Variants in CPXM2 observed in about 807,000 individuals in gnomAD.
CPXM2 encodes inactive carboxypeptidase-like protein X2.
CPXM2 carries 66 observed loss-of-function variants against 86.1 expected under a neutral mutation model. The observed-to-expected ratio is 0.77, with a 90% CI of 0.63 to 0.94. The LOEUF (loss-of-function observed/expected upper bound fraction) is 0.94, where lower values mean the gene tolerates loss of function less well. Ranked by LOEUF, CPXM2 falls within the 40% of genes least tolerant of loss-of-function variation. CPXM2 has a pLI of 0.00. For synonymous variants in CPXM2, 388 were observed against 400.2 expected (o/e 0.97, Z 0.36); for missense variants, 948 against 1,026.3 (o/e 0.92, Z 1.04).
intron 2 of CPXM2, 28 bp downstream of exon 2, chr10:123,880,183 G>A: frequency 1.1e-6 from 1 of 884,742 alleles, no homozygotes; most frequent in Non-Finnish European, 1.9e-6. Context: ...TAGGACTGGT[G>A]TAGGGGCTCT....
intron 2 of CPXM2, among the ~76,000 whole-genome samples, chr10:123,904,310 G>GATTA (rs1169786743): frequency 2.6e-5 from 4 of 152,124 alleles, no homozygotes; most frequent in Non-Finnish European, 5.9e-5. Flanking sequence ...GCTGATGTTT[G>GATTA]AGTAAGGGAC....
At chr10:123,810,997 T>C (rs1416541948) in intron 4 of CPXM2, among the ~76,000 whole-genome samples, 1 of 152,110 alleles carries the variant, frequency 6.6e-6, no homozygotes, top group Non-Finnish European at 1.5e-5. Flanking sequence ...CATGCATATA[T>C]AAAACCTGAA....
In CPXM2 at chr10:123,880,064, A is replaced by G. The variant is rs1590094752; in HGVS notation, c.403+147T>C. ...CTGCCGTGAATGTTCTCGCCCCCGCACCATGGATCGGAATAGACAGCAGGC... is the reference window on the plus strand; with the variant it reads ...CTGCCGTGAATGTTCTCGCCCCCGCGCCATGGATCGGAATAGACAGCAGGC... On this transcript the variant is annotated intron_variant, in intron 2 of 13. Transcript: ENST00000241305. The G allele has an allele frequency of 1.0e-5, 6 of 579,840 alleles. No homozygotes were observed. In the East Asian group the frequency reaches 1.7e-4, roughly 16 times the overall value. 35.9% of individuals were successfully genotyped at this position (579,840 alleles called of 1,614,324 possible).
intron 7 of CPXM2, among the ~76,000 whole-genome samples, chr10:123,778,557 G>C (rs189002986): frequency 6.6e-6 from 1 of 152,138 alleles, no homozygotes; most frequent in African/African-American, 2.4e-5. Flanking sequence ...AGCATACTCC[G>C]CTTGCTTTCC....
intron 2 of CPXM2, among the ~76,000 whole-genome samples, chr10:123,937,586 G>A (rs1336637567): frequency 6.6e-6 from 1 of 151,000 alleles, no homozygotes; most frequent in East Asian, 1.9e-4. Flanking sequence ...TCACTTCCAG[G>A]GACCAAAGAC....
chr10:123,806,188 T>C (rs1847575244), intron 4 of CPXM2, among the ~76,000 whole-genome samples: 1 of 152,178 alleles, frequency 6.6e-6, no homozygotes, highest in African/African-American at 2.4e-5. Context: ...TTTTCAGTTT[T>C]TGTTGTCTGA....
At chr10:123,794,038 G>C (rs962894554) in intron 6 of CPXM2, among the ~76,000 whole-genome samples, 2 of 152,200 alleles carry the variant, frequency 1.3e-5, no homozygotes, top group East Asian at 1.9e-4. Context: ...CAGTGAACAT[G>C]GGCTGGGAGG....
rs1484601877 is a variant in CPXM2, at chr10:123,885,094, G to A, written c.305-4785C>T. ...GAGACAAGAAGGCTTTGGGCACAGT[G>A]CTGTATGTGGGAGGAGATTTCAAGT... On this transcript the variant is annotated intron_variant, in intron 1 of 13. Coordinates refer to ENST00000241305, the MANE Select transcript of CPXM2 (RefSeq NM_198148.3). This position sits in a 1 kb window ranked among gnomAD's most constrained non-coding sequence, Gnocchi z 4.0. Among the ~76,000 whole-genome samples the A allele has an allele frequency of 6.6e-6, 1 of 152,220 alleles. No individual in the cohort carries two copies. The highest frequency in any genetic ancestry group is 2.4e-5 in the African/African-American group (1 of 41,460).
intron 2 of CPXM2, among the ~76,000 whole-genome samples, chr10:123,863,760 C>T (rs1350196332): frequency 6.6e-6 from 1 of 152,240 alleles, no homozygotes; most frequent in Non-Finnish European, 1.5e-5. Flanking sequence ...TGGTCTGGCA[C>T]CTCCGCAGCT....
intron 2 of CPXM2, among the ~76,000 whole-genome samples, chr10:123,914,575 G>A (rs1254571571): frequency 1.3e-5 from 2 of 152,094 alleles, no homozygotes; most frequent in African/African-American, 2.4e-5. Context: ...TCCCAGATTC[G>A]TTTTCCTGGT....
intron 8 of CPXM2, among the ~76,000 whole-genome samples, chr10:123,770,132 G>C (rs1846592741): frequency 6.6e-6 from 1 of 152,116 alleles, no homozygotes; most frequent in Non-Finnish European, 1.5e-5. Flanking sequence ...AAATTAGCTG[G>C]GTATGGTGGC....
chr10:123,868,738 T>C (rs897458582), intron 2 of CPXM2, among the ~76,000 whole-genome samples: 2 of 152,008 alleles, frequency 1.3e-5, no homozygotes, highest in African/African-American at 2.4e-5. Flanking sequence ...AAAGAACAGC[T>C]AGAATCACGT....
At chr10:123,812,958 G>A (rs1436868566) in intron 4 of CPXM2, among the ~76,000 whole-genome samples, 3 of 152,034 alleles carry the variant, frequency 2.0e-5, no homozygotes, top group Admixed American at 6.5e-5. Context: ...TTATTGTAAC[G>A]CTTAATACCT....
intron 2 of CPXM2, among the ~76,000 whole-genome samples, chr10:123,877,741 C>T (rs1446935672): frequency 6.6e-6 from 1 of 152,152 alleles, no homozygotes; most frequent in Non-Finnish European, 1.5e-5. Context: ...GATGACTCAA[C>T]CAACTTCTTA....
chr10:123,786,332 C>A (rs998892563), intron 6 of CPXM2, among the ~76,000 whole-genome samples: 13 of 152,228 alleles, frequency 8.5e-5, no homozygotes, highest in Non-Finnish European at 1.8e-4. Flanking sequence ...GTGGCAAAGG[C>A]TGCGTTCCTC....
chr10:123,914,515 C>G (rs1290843300), intron 2 of CPXM2, among the ~76,000 whole-genome samples: 4 of 152,148 alleles, frequency 2.6e-5, no homozygotes, highest in Non-Finnish European at 5.9e-5. Flanking sequence ...CACTCAGATG[C>G]TGCCTCCAGG....
intron 2 of CPXM2, among the ~76,000 whole-genome samples, chr10:123,923,723 C>A (rs970848467): frequency 3.9e-5 from 6 of 152,148 alleles, no homozygotes; most frequent in Admixed American, 6.5e-5. Flanking sequence ...TGGGAAGGAC[C>A]CAGTGGGAGA....
chr10:123,751,585 A>C (rs1846077684), intron 13 of CPXM2: 1 of 985,256 alleles, frequency 1.0e-6, no homozygotes, highest in African/African-American at 1.7e-5. Flanking sequence ...AGGCATGTGG[A>C]ACGGTGAGCC....
At chr10:123,802,492 C>T (rs1461057788) in intron 4 of CPXM2, among the ~76,000 whole-genome samples, 1 of 152,166 alleles carries the variant, frequency 6.6e-6, no homozygotes, top group African/African-American at 2.4e-5. Flanking sequence ...TATTCATTCT[C>T]ACTGCGTTCT....
Sources: allele counts gnomAD v4.1 joint callset (sites outside exome capture counted in the v4.1 genomes callset), GRCh38; gene constraint gnomAD v4.1.1; non-coding constraint Gnocchi (gnomAD v3.1); transcripts MANE v1.5; gene names NCBI Gene and HGNC (gene_info 2026-07-23, HGNC 2026-07-21).